Variants in PIK3C2G observed in about 807,000 individuals in gnomAD.
PIK3C2G encodes phosphatidylinositol 3-kinase C2 domain-containing subunit gamma.
A neutral mutation model predicts 181.1 loss-of-function variants in PIK3C2G; 168 were observed. That is an observed-to-expected ratio of 0.93 (90% CI 0.82 to 1.05). PIK3C2G has a LOEUF of 1.05. Among genes scored for constraint, PIK3C2G ranks in the 50% least tolerant of loss-of-function variants. PIK3C2G has a pLI of 0.00. For missense variants in PIK3C2G, 1,869 were observed against 1,732.8 expected (o/e 1.08, Z -1.40); for synonymous variants, 573 against 592.2 (o/e 0.97, Z 0.47).
intron 22 of PIK3C2G, among the ~76,000 whole-genome samples, chr12:18,502,012 C>A (rs1941525123): frequency 1.3e-5 from 2 of 152,164 alleles, no homozygotes; most frequent in African/African-American, 4.8e-5. Flanking sequence ...GCATCACCTA[C>A]TGACATAAAA....
intron 5 of PIK3C2G, among the ~76,000 whole-genome samples, chr12:18,309,877 A>T (rs1003796134): frequency 6.6e-6 from 1 of 151,666 alleles, no homozygotes; most frequent in African/African-American, 2.4e-5. Context: ...ATGCCCACGC[A>T]CTTTTGCTTC....
intron 5 of PIK3C2G, among the ~76,000 whole-genome samples, chr12:18,300,817 A>G (rs1331977011): frequency 6.6e-6 from 1 of 151,932 alleles, no homozygotes; most frequent in African/African-American, 2.4e-5. Context: ...ATGTGCTTTC[A>G]TGATGATAGA....
intron 18 of PIK3C2G, among the ~76,000 whole-genome samples, chr12:18,431,839 A>G (rs1946176403): frequency 6.6e-6 from 1 of 152,202 alleles, no homozygotes; most frequent in African/African-American, 2.4e-5. Context: ...TGCTGTAATC[A>G]TCTTTCCACT....
chr12:18,425,453 G>A (rs1291398463), intron 18 of PIK3C2G, among the ~76,000 whole-genome samples: 1 of 138,278 alleles, frequency 7.2e-6, no homozygotes, highest in East Asian at 2.2e-4. Context: ...GTGCAGTGGT[G>A]CAATCTCAGC....
intron 19 of PIK3C2G, among the ~76,000 whole-genome samples, chr12:18,491,166 T>A (rs1464582666): frequency 1.3e-5 from 2 of 152,196 alleles, no homozygotes; most frequent in Non-Finnish European, 2.9e-5. Context: ...TTTTATGTTT[T>A]GTTTGAACAG....
At chr12:18,633,286 A>G (rs984213314) in intron 31 of PIK3C2G, among the ~76,000 whole-genome samples, 2 of 152,242 alleles carry the variant, frequency 1.3e-5, no homozygotes, top group East Asian at 1.9e-4. Context: ...CACATGTTAC[A>G]TAAGAGAATA....
chr12:18,688,308 T>G, the PIK3C2G span: 18 of 1,362,128 alleles, frequency 1.3e-5, no homozygotes, highest in Admixed American at 2.0e-5. Context: ...TTACAAAAAG[T>G]TGATGGACTC....
intron 1 of PIK3C2G, among the ~76,000 whole-genome samples, chr12:18,264,801 T>C (rs1268025737): frequency 6.6e-6 from 1 of 152,192 alleles, no homozygotes; most frequent in African/African-American, 2.4e-5. Flanking sequence ...GAAAACTCTC[T>C]CTGGGCGTGG....
chr12:18,298,761 A>T (rs888670392), intron 5 of PIK3C2G, among the ~76,000 whole-genome samples: 3 of 152,094 alleles, frequency 2.0e-5, no homozygotes, highest in African/African-American at 7.2e-5. Context: ...ATTCTTCTGC[A>T]TATGAATACT....
upstream of PIK3C2G, among the ~76,000 whole-genome samples, chr12:18,243,775 C>A (rs1389528466): frequency 1.3e-5 from 2 of 151,910 alleles, no homozygotes; most frequent in African/African-American, 4.8e-5. Context: ...AAATGTGACA[C>A]CCAGCTTCAC....
Position 18,621,540 on chromosome 12 carries a change from A to T in PIK3C2G, c.4182+11911A>T, listed in dbSNP as rs1018797125. Among the ~76,000 whole-genome samples, 7 of 151,670 alleles carry T rather than the reference A, an allele frequency of 4.6e-5. No homozygotes were observed. The South Asian group carries it at 6.2e-4, about 13-fold the overall frequency. On this transcript the variant is annotated intron_variant, in intron 31 of 32. Transcript: ENST00000538779. ...AGATTAAATATGTATAACATGTTTT[A>T]TATATATATGTTATTAACATACATG...
chr12:18,460,623 C>CATATATATATATATATATATATAT (rs144060852), intron 18 of PIK3C2G, among the ~76,000 whole-genome samples: 1 of 136,136 alleles, frequency 7.3e-6, no homozygotes, highest in African/African-American at 2.7e-5. Context: ...ACATCATATT[C>CATATATATATATATATATATATAT]ATATATATAT....
At chr12:18,449,118 T>C (rs1189239674) in intron 18 of PIK3C2G, among the ~76,000 whole-genome samples, 1 of 152,022 alleles carries the variant, frequency 6.6e-6, no homozygotes. Flanking sequence ...GTGTATTGAG[T>C]CCTCTTGGTG....
intron 6 of PIK3C2G, among the ~76,000 whole-genome samples, chr12:18,314,928 G>A (rs1950797076): frequency 6.6e-6 from 1 of 152,192 alleles, no homozygotes; most frequent in Non-Finnish European, 1.5e-5. Flanking sequence ...AAGGATGACT[G>A]TGCTTTGACG....
chr12:18,688,296 T>C, the PIK3C2G span: 5 of 1,463,970 alleles, frequency 3.4e-6, no homozygotes, highest in Non-Finnish European at 4.6e-6. Context: ...TTAAGTTATG[T>C]ATTACAAAAA....
Position 18,362,897 on chromosome 12 carries a change from T to A in PIK3C2G, c.1748+11T>A. 1 of 1,487,806 alleles carries A rather than the reference T, an allele frequency of 6.7e-7. No individual in the cohort carries two copies. The highest frequency in any genetic ancestry group is 8.9e-7 in the Non-Finnish European group (1 of 1,122,110). 92.2% of individuals were successfully genotyped at this position (1,487,806 alleles called of 1,614,324 possible). On this transcript the variant is annotated intron_variant, in intron 12 of 32. Transcript: ENST00000538779. Reference sequence around the variant, plus strand: ...CAACTGGAATGAAACGTAAGTTTAATCTTTACTGTATCTGGATCATTTATG... The same window carrying A: ...CAACTGGAATGAAACGTAAGTTTAAACTTTACTGTATCTGGATCATTTATG...
chr12:18,450,993 T>G (rs1452792698), intron 18 of PIK3C2G, among the ~76,000 whole-genome samples: 1 of 152,176 alleles, frequency 6.6e-6, no homozygotes, highest in African/African-American at 2.4e-5. Context: ...TGTAGTATAG[T>G]TTGAAGTCAG....
chr12:18,449,837 C>A (rs1947250770), intron 18 of PIK3C2G, among the ~76,000 whole-genome samples: 1 of 152,058 alleles, frequency 6.6e-6, no homozygotes, highest in South Asian at 2.1e-4. Flanking sequence ...ATTTCTGGTC[C>A]TATATCCTTG....
intron 18 of PIK3C2G, among the ~76,000 whole-genome samples, chr12:18,434,925 CT>C (rs1946366718): frequency 6.6e-6 from 1 of 151,592 alleles, no homozygotes; most frequent in African/African-American, 2.4e-5. Context: ...ATGTCTTTGA[CT>C]TTTGTCCAAA....
Sources: gnomAD v4.1 joint callset for allele counts (sites outside exome capture counted in the v4.1 genomes callset) on GRCh38, gnomAD v4.1.1 for gene constraint, MANE v1.5 for transcripts, NCBI Gene and HGNC (gene_info 2026-07-23, HGNC 2026-07-21) for gene names.